The following LDLRAD4 variants were observed in gnomAD, a reference collection of about 807,000 sequenced individuals.
LDLRAD4 encodes low-density lipoprotein receptor class A domain-containing protein 4.
A neutral mutation model predicts 17.0 loss-of-function variants in LDLRAD4; 5 were observed. That is an observed-to-expected ratio of 0.29 (90% CI 0.15 to 0.62). The LOEUF (loss-of-function observed/expected upper bound fraction) is 0.62, where lower values mean the gene tolerates loss of function less well. Among genes scored for constraint, LDLRAD4 ranks in the 20% least tolerant of loss-of-function variants. The pLI is 0.84. For synonymous variants in LDLRAD4, 168 were observed against 171.8 expected (o/e 0.98, Z 0.17); for missense variants, 340 against 424.7 (o/e 0.80, Z 1.75).
At chr18:13,582,213 CAGA>C (rs1461957622) in intron 3 of LDLRAD4, among the ~76,000 whole-genome samples, 1 of 152,240 alleles carries the variant, frequency 6.6e-6, no homozygotes, top group African/African-American at 2.4e-5. Context: ...GGGCCTGACA[CAGA>C]AGCACTCAGC....
chr18:13,488,963 AC>A (rs1376776369), intron 3 of LDLRAD4: 6 of 152,252 alleles, frequency 3.9e-5, no homozygotes, highest in African/African-American at 1.4e-4. Context: ...CAGTGAAAGT[AC>A]AAAGATTTAT....
intron 1 of LDLRAD4, among the ~76,000 whole-genome samples, chr18:13,283,814 G>T (rs186910509): frequency 6.6e-6 from 1 of 152,136 alleles, no homozygotes. Context: ...AGACATACCC[G>T]AGACTGGGAA....
chr18:13,564,051 A>G (rs1208028514), intron 3 of LDLRAD4, among the ~76,000 whole-genome samples: 2 of 152,082 alleles, frequency 1.3e-5, no homozygotes, highest in African/African-American at 4.8e-5. Context: ...GACCACAGGT[A>G]TGCACCACCA....
chr18:13,341,729 T>C (rs962698391), intron 1 of LDLRAD4, among the ~76,000 whole-genome samples: 1 of 152,180 alleles, frequency 6.6e-6, no homozygotes, highest in Non-Finnish European at 1.5e-5. Flanking sequence ...CTTTTATTTC[T>C]TTTTCTTGCC....
At chr18:13,260,669 T>C (rs751955867) in intron 1 of LDLRAD4, among the ~76,000 whole-genome samples, 3 of 152,226 alleles carry the variant, frequency 2.0e-5, no homozygotes, top group Non-Finnish European at 4.4e-5. Context: ...TGCCACCCTC[T>C]CCCTCCCTCC....
chr18:13,454,743 T>G (rs997922548), intron 3 of LDLRAD4, among the ~76,000 whole-genome samples: 2 of 140,402 alleles, frequency 1.4e-5, no homozygotes, highest in Non-Finnish European at 3.1e-5. Context: ...GGGGCTGGCC[T>G]GGTCCAGAAG....
intron 2 of LDLRAD4, among the ~76,000 whole-genome samples, chr18:13,405,088 C>T (rs1239457569): frequency 6.6e-6 from 1 of 151,700 alleles, no homozygotes; most frequent in Non-Finnish European, 1.5e-5. Flanking sequence ...TTTTGATAAA[C>T]AGAAGGTAGT....
At chr18:13,393,850 C>G (rs2086461676) in intron 2 of LDLRAD4, among the ~76,000 whole-genome samples, 1 of 152,188 alleles carries the variant, frequency 6.6e-6, no homozygotes, top group Non-Finnish European at 1.5e-5. Context: ...GCCCACCCAT[C>G]AATCATTTGT....
At chr18:13,635,050 C>A (rs1181510105) in intron 4 of LDLRAD4, among the ~76,000 whole-genome samples, 1 of 152,170 alleles carries the variant, frequency 6.6e-6, no homozygotes, top group Non-Finnish European at 1.5e-5. Flanking sequence ...ACATTGGACC[C>A]TTATAACATA....
upstream of LDLRAD4, chr18:13,278,042 A>T (rs370043884): frequency 2.0e-5 from 3 of 152,154 alleles, no homozygotes; most frequent in Non-Finnish European, 2.9e-5. Context: ...TGTTTTTGAA[A>T]CTTGAGAGGG....
At chr18:13,562,300 A>G (rs934577813) in intron 3 of LDLRAD4, among the ~76,000 whole-genome samples, 3 of 152,194 alleles carry the variant, frequency 2.0e-5, no homozygotes, top group Non-Finnish European at 4.4e-5. Flanking sequence ...GGTGACCCAG[A>G]CTGGCCACCT....
intron 1 of LDLRAD4, among the ~76,000 whole-genome samples, chr18:13,229,278 T>G (rs1353302150): frequency 6.6e-6 from 1 of 152,202 alleles, no homozygotes; most frequent in East Asian, 1.9e-4. Context: ...GCCCCTGTGC[T>G]GCCGGGCCCC....
chr18:13,629,403 G>C (rs2041466435), intron 4 of LDLRAD4, among the ~76,000 whole-genome samples: 1 of 152,204 alleles, frequency 6.6e-6, no homozygotes, highest in Non-Finnish European at 1.5e-5. Flanking sequence ...GAAAGGTCAG[G>C]AAGGACCCAC....
chr18:13,255,571 G>C (rs555580159), intron 1 of LDLRAD4, among the ~76,000 whole-genome samples: 24 of 152,362 alleles, frequency 1.6e-4, no homozygotes, highest in African/African-American at 5.0e-4. Context: ...ATAGGGCCCA[G>C]GGTCCAGGTG....
At chr18:13,435,258 A>G (rs983086940) in intron 2 of LDLRAD4, among the ~76,000 whole-genome samples, 1 of 152,224 alleles carries the variant, frequency 6.6e-6, no homozygotes, top group East Asian at 1.9e-4. Flanking sequence ...CAGCTTTAGC[A>G]TTAATTCTTA....
chr18:13,562,976 T>C (rs2148232906), intron 3 of LDLRAD4: 1 of 152,360 alleles, frequency 6.6e-6, no homozygotes, highest in South Asian at 2.1e-4. Flanking sequence ...TGCCACCCTC[T>C]ATATAGAGAC....
chr18:13,333,637 G>A (rs2081971872), intron 1 of LDLRAD4, among the ~76,000 whole-genome samples: 1 of 152,220 alleles, frequency 6.6e-6, no homozygotes, highest in South Asian at 2.1e-4. Flanking sequence ...ATACCTAGTA[G>A]TTCCAGCACG....
chr18:13,257,945 CT>C (rs781762413), intron 1 of LDLRAD4, among the ~76,000 whole-genome samples: 4 of 152,200 alleles, frequency 2.6e-5, no homozygotes, highest in Non-Finnish European at 5.9e-5. Flanking sequence ...TGGCTTAGGC[CT>C]GTAATGCCAG....
chr18:13,237,711 C>T lies in LDLRAD4; in HGVS notation c.-467+18723C>T, dbSNP rs369942539. On this transcript the variant is annotated intron_variant, in intron 1 of 5. Transcript: ENST00000399848. Reference sequence around the variant, plus strand: ...CACCAGTCACTGTGATCACTCAAGACCTCTGGCCTCAGTTTCCCCATGGAG... The same window carrying T: ...CACCAGTCACTGTGATCACTCAAGATCTCTGGCCTCAGTTTCCCCATGGAG... 1.4e-4 allele frequency among the ~76,000 whole-genome samples: 21 copies of T among 152,340 alleles called. No individual in the cohort carries two copies. In the East Asian group the frequency reaches 3.9e-3, roughly 28 times the overall value.
Sources: gnomAD v4.1 joint callset for allele counts (sites outside exome capture counted in the v4.1 genomes callset) on GRCh38, gnomAD v4.1.1 for gene constraint, MANE v1.5 for transcripts, NCBI Gene and HGNC (gene_info 2026-07-23, HGNC 2026-07-21) for gene names.